ODR4: variants seen among roughly 807,000 people sequenced by gnomAD.
ODR4 encodes the protein odr-4 GPCR localization factor homolog, also known as protein odr-4 homolog.
In ODR4, 47 loss-of-function variants were observed where a neutral mutation model predicts 60.2. The ratio of observed to expected loss-of-function variants is 0.78; its 90% CI spans 0.62 to 1.00. ODR4 has a LOEUF of 1.00. ODR4 is among the 50% of genes least tolerant of loss of function. The pLI is 0.00. For synonymous variants in ODR4, 178 were observed against 175.5 expected (o/e 1.01, Z -0.11); for missense variants, 488 against 530.8 (o/e 0.92, Z 0.79).
chr1:186,392,996 A>G (rs778901713), intron 8 of ODR4, among the ~76,000 whole-genome samples: 1 of 152,146 alleles, frequency 6.6e-6, no homozygotes, highest in Non-Finnish European at 1.5e-5. Context: ...ACAGAGTAAG[A>G]CTCCATTTCA....
At chr1:186,418,798 C>T (rs1033514083) in intron 13 of ODR4, among the ~76,000 whole-genome samples, 1 of 152,214 alleles carries the variant, frequency 6.6e-6, no homozygotes, top group Non-Finnish European at 1.5e-5. Context: ...CTTTGTCCAA[C>T]ATTTGAAATC....
intron 9 of ODR4, among the ~76,000 whole-genome samples, chr1:186,395,561 T>G (rs1006820308): frequency 2.0e-5 from 3 of 152,158 alleles, no homozygotes; most frequent in Non-Finnish European, 1.5e-5. Flanking sequence ...GTATTAAGCT[T>G]TTCTTTTATT....
downstream of ODR4, among the ~76,000 whole-genome samples, chr1:186,424,788 C>T (rs1661856659): frequency 6.6e-6 from 1 of 151,802 alleles, no homozygotes; most frequent in Non-Finnish European, 1.5e-5. Context: ...TTCTTCCAGT[C>T]GTGGTGGCTG....
chr1:186,379,278 A>T (rs1659924439), intron 1 of ODR4, among the ~76,000 whole-genome samples: 1 of 151,932 alleles, frequency 6.6e-6, no homozygotes, highest in African/African-American at 2.4e-5. Flanking sequence ...CCCCGTCTCT[A>T]CTAAAAACAC....
intron 12 of ODR4, among the ~76,000 whole-genome samples, chr1:186,416,563 T>G (rs1350754425): frequency 6.6e-6 from 1 of 152,076 alleles, no homozygotes; most frequent in Non-Finnish European, 1.5e-5. Flanking sequence ...TCCCAGCTAC[T>G]CGGGAGGCTG....
chr1:186,427,476 A>G, the ODR4 span, among the ~76,000 whole-genome samples: 1 of 150,534 alleles, frequency 6.6e-6, no homozygotes, highest in East Asian at 1.9e-4. Context: ...TCACATCTTT[A>G]GGCTCCACTT....
In ODR4 at chr1:186,414,408, A is replaced by T. The variant is rs1165473010; in HGVS notation, c.1187-3136A>T. 2.0e-5 allele frequency among the ~76,000 whole-genome samples: 3 copies of T among 152,106 alleles called. 1 individual carries two copies. The South Asian group carries it at 6.2e-4, about 31-fold the overall frequency. On this transcript the variant is annotated intron_variant, in intron 12 of 13. Coordinates refer to ENST00000287859, the MANE Select transcript of ODR4 (RefSeq NM_017847.6). ...CAATTTTGTTTTTTTATATGCAAGT[A>T]TTCAAGTAATAAATTTCCTATAGCA...
At chr1:186,408,512 A>ATATATAATGTTTATATATAATATAAACAT (rs2102076478) in intron 12 of ODR4, among the ~76,000 whole-genome samples, 2 of 150,246 alleles carry the variant, frequency 1.3e-5, no homozygotes, top group South Asian at 4.2e-4. Flanking sequence ...CATATAAACA[A>ATATATAATGTTTATATATAATATAAACAT]TATATAATGT....
chr1:186,407,667 A>G lies in ODR4; in HGVS notation c.1186+1399A>G, dbSNP rs72713771. On this transcript the variant is annotated intron_variant, in intron 12 of 13. Coordinates refer to ENST00000287859, the MANE Select transcript of ODR4 (RefSeq NM_017847.6). Reference sequence around the variant, plus strand: ...TAATATGCAGCAATAAAACATGAGTACCACTTCCTCACTGAGACCATGCTT... The same window carrying G: ...TAATATGCAGCAATAAAACATGAGTGCCACTTCCTCACTGAGACCATGCTT... 6.3e-3 allele frequency among the ~76,000 whole-genome samples: 957 copies of G among 152,274 alleles called. 3 individuals are homozygous for G. Among genetic ancestry groups the G allele is most frequent in the Non-Finnish European group, 9.5e-3 (644 of 67,980 alleles).
intron 2 of ODR4, 107 bp from the exon 3 acceptor site, chr1:186,382,915 A>G (rs1310119188): frequency 1.7e-6 from 2 of 1,150,962 alleles, no homozygotes; most frequent in Middle Eastern, 2.2e-4. Context: ...TGTTACAAAT[A>G]TTACTCAGTT....
chr1:186,384,970 T>C (rs1165311185), intron 3 of ODR4, among the ~76,000 whole-genome samples: 1 of 152,012 alleles, frequency 6.6e-6, no homozygotes, highest in Non-Finnish European at 1.5e-5. Flanking sequence ...TGAGTGTAGA[T>C]GATAGAAAAA....
intron 12 of ODR4, among the ~76,000 whole-genome samples, chr1:186,415,599 C>T (rs1661534066): frequency 1.3e-5 from 2 of 152,112 alleles, no homozygotes; most frequent in African/African-American, 4.8e-5. Flanking sequence ...TCCAGGAGTC[C>T]TCCCTCCCAG....
At position 186,393,946 on chromosome 1, in the gene ODR4, GAA is replaced by G. The variant is rs1190758252; in HGVS notation, c.716_717del (p.Lys239IlefsTer3). 4.0e-6 allele frequency: 6 copies of G among 1,506,376 alleles called. No individual in the cohort carries two copies. The highest frequency in any genetic ancestry group is 5.4e-6 in the Non-Finnish European group (6 of 1,110,024). The allele number at this position is 1,506,376 out of a possible 1,614,324, so 93.3% of individuals were successfully genotyped here. A position where few individuals can be genotyped will look rare whatever the true frequency, so the allele number is the denominator to read the frequency against. ...GCTTTTTAACTTTTGTGTTTTTTCA[GAA>G]AAAATCTTCTAGAGGAAATACTCAA... ...DEDCDLLEGQ[K>X]KSSRGNTQAT... On this transcript the variant is annotated frameshift_variant and splice_region_variant, in exon 9 of 14. Coordinates refer to ENST00000287859, the MANE Select transcript of ODR4 (RefSeq NM_017847.6). LOFTEE classifies it high-confidence loss of function.
rs999400093 is a variant in ODR4 at position 186,398,839 on chromosome 1, G to C, written c.910-115G>C. The C allele has an allele frequency of 2.0e-5, 13 of 636,218 alleles. No individual in the cohort carries two copies. The African/African-American group carries it at 2.4e-4, about 12-fold the overall frequency. 39.4% of individuals were successfully genotyped at this position (636,218 alleles called of 1,614,324 possible). ...AAATAAAACATTGAATGATGTATCA[G>C]TTATTTAGTGGGCATGATTGTACTG... On this transcript the variant is annotated intron_variant, in intron 10 of 13. Coordinates refer to ENST00000287859, the MANE Select transcript of ODR4 (RefSeq NM_017847.6).
At chr1:186,388,354 G>A (rs1228124950) in intron 4 of ODR4, 88 bp from the exon 5 acceptor site, 1 of 671,986 alleles carries the variant, frequency 1.5e-6, no homozygotes, top group African/African-American at 1.9e-5. Flanking sequence ...AGCTAAATGA[G>A]AGTTGGGGAC....
At chr1:186,433,067 A>G in the ODR4 span, among the ~76,000 whole-genome samples, 24 of 152,098 alleles carry the variant, frequency 1.6e-4, no homozygotes, top group Admixed American at 1.6e-3. Flanking sequence ...TACAGGTGTG[A>G]GCTACCGCAC....
chr1:186,426,112 T>C (rs368740260), downstream of ODR4, among the ~76,000 whole-genome samples: 2 of 152,334 alleles, frequency 1.3e-5, no homozygotes, highest in African/African-American at 4.8e-5. Flanking sequence ...CCTTTCTGTT[T>C]TCTCATTGAT....
intron 9 of ODR4, among the ~76,000 whole-genome samples, chr1:186,396,671 G>A (rs1445865316): frequency 6.6e-6 from 1 of 151,516 alleles, no homozygotes; most frequent in Non-Finnish European, 1.5e-5. Context: ...TAATATGTGT[G>A]TGTATAGTCT....
At chr1:186,410,952 T>C (rs917846689) in intron 12 of ODR4, among the ~76,000 whole-genome samples, 4 of 151,820 alleles carry the variant, frequency 2.6e-5, no homozygotes, top group African/African-American at 9.7e-5. Context: ...AAGGCGGAGG[T>C]TGTGGTGAGC....
Sources: allele counts gnomAD v4.1 joint callset (sites outside exome capture counted in the v4.1 genomes callset), GRCh38; gene constraint gnomAD v4.1.1; transcripts MANE v1.5; gene names NCBI Gene and HGNC (gene_info 2026-07-23, HGNC 2026-07-21).